Variants in SALL3 observed in about 807,000 individuals in gnomAD.
SALL3 encodes the protein spalt like transcription factor 3.
In SALL3, 25 loss-of-function variants were observed where a neutral mutation model predicts 66.2. That is an observed-to-expected ratio of 0.38 (90% CI 0.28 to 0.53). The LOEUF is 0.53. SALL3 is among the 20% of genes least tolerant of loss of function. SALL3 has a pLI of 0.85. For synonymous variants in SALL3, 1,152 were observed against 899.1 expected, an observed-to-expected ratio of 1.28 and a Z score of -5.03; for missense variants, 2,194 against 1,916.5, an observed-to-expected ratio of 1.14 and a Z score of -2.70.
intron 1 of SALL3, among the ~76,000 whole-genome samples, chr18:78,989,597 C>A (rs1914357918): frequency 2.0e-5 from 3 of 152,224 alleles, no homozygotes; most frequent in East Asian, 1.9e-4. Context: ...AAAAAGTATT[C>A]TTTTAATAAG....
chr18:78,994,385 C>T lies in SALL3; in HGVS notation c.2394C>T (p.Asp798=), dbSNP rs547166722. The T allele has an allele frequency of 1.2e-5, 19 of 1,613,282 alleles. No homozygotes were observed. The East Asian group carries it at 3.3e-4, about 28-fold the overall frequency. The change falls in exon 2 of 3, where the codon GAC becomes GAT. Residue 798 remains aspartate (D), a synonymous_variant. Coordinates refer to ENST00000537592, the MANE Select transcript of SALL3 (RefSeq NM_171999.4). ...CGGAGACCCTGAGCAGCTACGATGA[C>T]GACATGGACGAGAACTCCATGGAGG... The part of the protein sequence containing the change: ...KNAETLSSYD[D]DMDENSMEDD...
chr18:78,981,605 A>G (rs558367205), intron 1 of SALL3, among the ~76,000 whole-genome samples: 2 of 152,330 alleles, frequency 1.3e-5, no homozygotes, highest in South Asian at 4.1e-4. Context: ...TGAATTAAAT[A>G]AAATTAGTGA....
In SALL3 at chr18:78,994,197, C is replaced by A. The variant is rs1914590572; in HGVS notation, c.2206C>A (p.Arg736Ser). The part of the protein sequence containing the change: ...FGVHRAKPPL[R>S]VQHSCPICQK... ...CGTGCACCGTGCAAAGCCGCCCCTG[C>A]GCGTGCAGCACTCCTGCCCCATCTG... is the stretch of plus-strand genomic sequence containing the variant. Residue 736 changes from arginine to serine, a missense_variant, in exon 2 of 3, where the codon CGC (arginine) becomes AGC (serine). Arg to Ser is a moderately radical substitution (Grantham distance 110). Coordinates refer to ENST00000537592, the MANE Select transcript of SALL3 (RefSeq NM_171999.4). 1.9e-6 allele frequency: 3 copies of A among 1,613,304 alleles called. No individual in the cohort carries two copies. In the Admixed American group the frequency reaches 5.0e-5, roughly 27 times the overall value.
rs999279322 is a variant in SALL3 at position 78,979,999 on chromosome 18, C to T, written c.-276C>T. ...CAGCGCGCGCCCCGGTCCCGAGGCG[C>T]CGCGGCCCCCTCCTCGTCGGCGCGG... On this transcript the variant is annotated 5_prime_UTR_variant, in exon 1 of 3. Coordinates refer to ENST00000537592, the MANE Select transcript of SALL3 (RefSeq NM_171999.4). Among the ~76,000 whole-genome samples, 3 of 145,584 alleles carry T rather than the reference C, an allele frequency of 2.1e-5. No individual in the cohort carries two copies. Among genetic ancestry groups the T allele is most frequent in the African/African-American group, 7.4e-5 (3 of 40,636 alleles).
Position 78,995,048 on chromosome 18 carries a change from T to C in SALL3, c.3057T>C (p.Asn1019=), listed in dbSNP as rs373816746. 2 of 1,613,730 alleles carry C rather than the reference T, an allele frequency of 1.2e-6. No homozygotes were observed. The highest frequency in any genetic ancestry group is 2.7e-5 in the African/African-American group (2 of 74,920). Residue 1019 remains asparagine, a synonymous_variant, in exon 2 of 3, where the codon AAT becomes AAC. Coordinates refer to ENST00000537592, the MANE Select transcript of SALL3 (RefSeq NM_171999.4). ...GGCGAGGGTGCTCCACTATGGGTAA[T>C]TTAAAACAGCACTTACTGACACACA... is the stretch of plus-strand genomic sequence containing the variant. ...LCRRGCSTMG[N]LKQHLLTHRL... is the part of the protein sequence containing the mutation.
rs1337529754 is a variant in SALL3 at position 78,994,872 on chromosome 18, C to T, written c.2881C>T (p.Pro961Ser). The T allele has an allele frequency of 1.2e-6, 2 of 1,608,178 alleles. No homozygotes were observed. The highest frequency in any genetic ancestry group is 2.7e-5 in the African/African-American group (2 of 74,948). ...CCGCGCGGGCATCAAGGAGGAGGCG[C>T]CCTTCAGCCTGCTGTTCCTGAGCAG... ...PGRAGIKEEA[P>S]FSLLFLSRER... The change falls in exon 2 of 3, where the codon CCC (proline) becomes TCC (serine). Residue 961 changes from proline (P) to serine (S), a missense_variant. Physicochemically the swap from Pro to Ser is moderately conservative, Grantham distance 74. Transcript: ENST00000537592.
At position 78,992,411 on chromosome 18, in the gene SALL3, G is replaced by A; in HGVS notation, c.420G>A (p.Gly140=). Residue 140 remains glycine, a synonymous_variant, in exon 2 of 3, where the codon GGG becomes GGA. Transcript: ENST00000537592. ...AGCCCATGGACGCGGAACCCGCGGGGGACACGCGCGCGCCCCGGCCCCCGC... is the reference window on the plus strand; with the variant it reads ...AGCCCATGGACGCGGAACCCGCGGGAGACACGCGCGCGCCCCGGCCCCCGC... ...EAEPMDAEPA[G]DTRAPRPPPA... 1.5e-6 allele frequency: 2 copies of A among 1,329,966 alleles called. No individual in the cohort carries two copies. Among genetic ancestry groups the A allele is most frequent in the East Asian group, 3.5e-5 (1 of 28,724 alleles). The allele number at this position is 1,329,966 out of a possible 1,614,324, so 82.4% of individuals were successfully genotyped here.
At position 78,992,661 on chromosome 18, in the gene SALL3, G is replaced by T; in HGVS notation, c.670G>T (p.Glu224Ter). Residue 224 changes from glutamate to a stop codon, truncating the protein, a stop_gained, in exon 2 of 3, where the codon GAG (glutamate) becomes TAG (stop). Transcript: ENST00000537592. LOFTEE classifies it high-confidence loss of function. ...QQQIHQLQLIEQIRSQVALMQ... is the reference protein window; with the variant it reads ...QQQIHQLQLI ...GCAGATCCACCAGCTGCAGCTCATC[G>T]AGCAGATCCGCAGCCAGGTGGCCCT... The T allele has an allele frequency of 1.3e-6, 2 of 1,543,610 alleles. No homozygotes were observed. The highest frequency in any genetic ancestry group is 1.7e-6 in the Non-Finnish European group (2 of 1,150,674).
At chr18:78,991,818 A>G (rs952758735) in intron 1 of SALL3, 5 of 411,192 alleles carry the variant, frequency 1.2e-5, no homozygotes, top group Non-Finnish European at 2.1e-5. Flanking sequence ...GTATGAAAAT[A>G]TTGGAAATCA....
chr18:78,995,618 C>T (rs1463968394), intron 2 of SALL3, among the ~76,000 whole-genome samples, 156 bp downstream of exon 2: 3 of 151,800 alleles, frequency 2.0e-5, no homozygotes, highest in African/African-American at 4.8e-5. Flanking sequence ...GTGATGTGTG[C>T]GTGTTATAGG....
rs1914505029 is a variant in SALL3 at position 78,992,865 on chromosome 18, C to T, written c.874C>T (p.Leu292=). The T allele has an allele frequency of 4.1e-6, 4 of 983,582 alleles. No individual in the cohort carries two copies. The highest frequency in any genetic ancestry group is 5.2e-4 in the Middle Eastern group (1 of 1,910). 60.9% of individuals were successfully genotyped at this position (983,582 alleles called of 1,614,324 possible). A position where few individuals can be genotyped will look rare whatever the true frequency, so the allele number is the denominator to read the frequency against. The change falls in exon 2 of 3, where the codon CTG becomes TTG. Residue 292 remains leucine (L), a synonymous_variant. Transcript: ENST00000537592. ...APAAFEGAQP[L]SRPESGASTP... is the part of the protein sequence containing the mutation. Reference sequence around the variant, plus strand: ...GGCCGCCTTCGAGGGCGCGCAGCCGCTGTCCCGGCCCGAGTCTGGCGCCAG... The same window carrying T: ...GGCCGCCTTCGAGGGCGCGCAGCCGTTGTCCCGGCCCGAGTCTGGCGCCAG...
At chr18:78,989,823 G>C (rs1204720906) in intron 1 of SALL3, among the ~76,000 whole-genome samples, 2 of 152,156 alleles carry the variant, frequency 1.3e-5, no homozygotes, top group Admixed American at 1.3e-4. Flanking sequence ...TCCTTGTTTA[G>C]TTACAGTAGT....
chr18:78,989,748 G>T (rs1914363440), intron 1 of SALL3, among the ~76,000 whole-genome samples: 1 of 152,132 alleles, frequency 6.6e-6, no homozygotes, highest in Non-Finnish European at 1.5e-5. Context: ...TTCTTGGGAT[G>T]TTCCTTTTTA....
At position 78,992,439 on chromosome 18, in the gene SALL3, G is replaced by T. The variant is rs1914474656; in HGVS notation, c.448G>T (p.Ala150Ser). ...CACGCGCGCGCCCCGGCCCCCGCCT[G>T]CGGCCCCTGCACCCCCAACGCCCGC... Reference protein sequence around the residue: ...GDTRAPRPPPAAPAPPTPAYG... With the variant: ...GDTRAPRPPPSAPAPPTPAYG... The change falls in exon 2 of 3, where the codon GCG becomes TCG. Residue 150 changes from alanine (A) to serine (S), a missense_variant. Transcript: ENST00000537592. The T allele has an allele frequency of 1.5e-6, 2 of 1,378,742 alleles. No homozygotes were observed. Among genetic ancestry groups the T allele is most frequent in the East Asian group, 6.8e-5 (2 of 29,354 alleles). 85.4% of individuals were successfully genotyped at this position (1,378,742 alleles called of 1,614,324 possible).
Position 78,992,746 on chromosome 18 carries a change from G to A in SALL3, c.755G>A (p.Gly252Asp), listed in dbSNP as rs772686450. ...CCCGCGGCCGCCCCGAGCGCACCGG[G>A]CCCGGCCCCCAGCCAGCTGCCCGGG... ...LSPAAAPSAP[G>D]PAPSQLPGLA... Residue 252 changes from glycine (G) to aspartate (D), a missense_variant, in exon 2 of 3, where the codon GGC becomes GAC. Coordinates refer to ENST00000537592, the MANE Select transcript of SALL3 (RefSeq NM_171999.4). 9.3e-6 allele frequency: 11 copies of A among 1,178,232 alleles called. No homozygotes were observed. The highest frequency in any genetic ancestry group is 1.2e-5 in the Non-Finnish European group (11 of 952,924). The allele number at this position is 1,178,232 out of a possible 1,614,324, so 73.0% of individuals were successfully genotyped here.
Position 78,992,271 on chromosome 18 carries a change from T to G in SALL3, c.280T>G (p.Phe94Val). ...CGCGCCCGCGCCGCCCCCCGAGGAC[T>G]TCCCCGAGCCTTCGCCCGCCAGCTC... ...EDAPAPPPEDFPEPSPASSPS... is the reference protein window; with the variant it reads ...EDAPAPPPEDVPEPSPASSPS... The change falls in exon 2 of 3, where the codon TTC (phenylalanine) becomes GTC (valine). Residue 94 changes from phenylalanine (F) to valine (V), a missense_variant. Phe to Val is a conservative substitution (Grantham distance 50). Transcript: ENST00000537592. 6.4e-7 allele frequency: 1 copy of G among 1,552,300 alleles called. No individual in the cohort carries two copies. The highest frequency in any genetic ancestry group is 8.6e-7 in the Non-Finnish European group (1 of 1,156,856).
At position 78,980,271 on chromosome 18, in the gene SALL3, C is replaced by T. The variant is rs1255303574; in HGVS notation, c.-4C>T. 9 of 1,359,424 alleles carry T rather than the reference C, an allele frequency of 6.6e-6. No homozygotes were observed. The highest frequency in any genetic ancestry group is 8.6e-6 in the Non-Finnish European group (9 of 1,042,752). The allele number at this position is 1,359,424 out of a possible 1,614,324, so 84.2% of individuals were successfully genotyped here. A position where few individuals can be genotyped will look rare whatever the true frequency, so the allele number is the denominator to read the frequency against. ...CCGCGCGGGGCCCGAGCGCCGCTAG[C>T]AGCATGTCTCGGCGCAAGCAGGCCA... On this transcript the variant is annotated 5_prime_UTR_variant, in exon 1 of 3. Transcript: ENST00000537592.
intron 1 of SALL3, among the ~76,000 whole-genome samples, chr18:78,981,121 C>A (rs933567428): frequency 2.6e-5 from 4 of 152,230 alleles, no homozygotes; most frequent in African/African-American, 9.6e-5. Context: ...TAGGAGCGTC[C>A]TCTTCGAAAC....
rs1688254764 is a variant in SALL3, at chr18:78,995,283, C to T, written c.3292C>T (p.Leu1098=). 1 of 1,584,948 alleles carries T rather than the reference C, an allele frequency of 6.3e-7. No homozygotes were observed. Among genetic ancestry groups the T allele is most frequent in the African/African-American group, 1.3e-5 (1 of 74,632 alleles). ...AGPQTVMGPG[L]APMLAPPPRR... is the part of the protein sequence containing the mutation. ...GCCTCAGACAGTGATGGGCCCGGGC[C>T]TGGCGCCCATGCTGGCCCCCCCACC... Residue 1098 remains leucine (L), a synonymous_variant, in exon 2 of 3, where the codon CTG becomes TTG. Coordinates refer to ENST00000537592, the MANE Select transcript of SALL3 (RefSeq NM_171999.4).
Sources: allele counts gnomAD v4.1 joint callset (sites outside exome capture counted in the v4.1 genomes callset), GRCh38; gene constraint gnomAD v4.1.1; transcripts MANE v1.5; gene names NCBI Gene and HGNC (gene_info 2026-07-23, HGNC 2026-07-21).